CTSF: variants seen among roughly 807,000 people sequenced by gnomAD.
CTSF encodes the protein cathepsin F.
Under a neutral mutation model 63.5 loss-of-function variants are expected in CTSF, and 65 were observed. The ratio of observed to expected loss-of-function variants is 1.02; its 90% CI spans 0.84 to 1.26. CTSF has a LOEUF of 1.26. Among genes scored for constraint, CTSF ranks in the 50% most tolerant of loss-of-function variants. The pLI, the probability that CTSF is intolerant of heterozygous loss-of-function variation, is 0.00. For synonymous variants in CTSF, 256 were observed against 258.1 expected, an observed-to-expected ratio of 0.99 and a Z score of 0.08; for missense variants, 641 against 631.0, an observed-to-expected ratio of 1.02 and a Z score of -0.17.
In CTSF at chr11:66,565,659, A is replaced by T; in HGVS notation, c.1045+12T>A. 1 of 1,613,172 alleles carries T rather than the reference A, an allele frequency of 6.2e-7. No homozygotes were observed. The highest frequency in any genetic ancestry group is 8.5e-7 in the Non-Finnish European group (1 of 1,180,030). On this transcript the variant is annotated intron_variant, in intron 8 of 12. Transcript: ENST00000310325. ...GGCTCCGGTTGCCCCTCCTGACCCC[A>T]TTAATGCATACCCAAATTCTTTATG...
At chr11:66,564,197 G>C (rs1387897879) in intron 11 of CTSF, 51 bp from the exon 12 acceptor site, 2 of 1,572,916 alleles carry the variant, frequency 1.3e-6, no homozygotes, top group Admixed American at 3.7e-5. Flanking sequence ...TCTCCAGGCA[G>C]AGCCTTAATC....
In CTSF at chr11:66,567,522, C is replaced by T. The variant is rs1857959037; in HGVS notation, c.453G>A (p.Leu151=). ...FTQGSAMISS[L]SQNHPDNRNE... ...TTCTGTTGTCTGGATGGTTTTGGGA[C>T]AGAGAAGAAATCATGGCTGAGCCCT... Residue 151 remains leucine, a synonymous_variant, in exon 3 of 13, where the codon CTG becomes CTA. Coordinates refer to ENST00000310325, the MANE Select transcript of CTSF (RefSeq NM_003793.4). 2.5e-6 allele frequency: 4 copies of T among 1,614,088 alleles called. No homozygotes were observed. The East Asian group carries it at 8.9e-5, about 36-fold the overall frequency.
chr11:66,568,536 A>C lies in CTSF; in HGVS notation c.-50T>G. ...GACCCAACAGACGCTCCACCGACCC[A>C]CCGGGTACCGAGCCCGCGGCCAGCG... On this transcript the variant is annotated 5_prime_UTR_variant, in exon 1 of 13. Transcript: ENST00000310325. 6.8e-7 allele frequency: 1 copy of C among 1,469,244 alleles called. No individual in the cohort carries two copies. Among genetic ancestry groups the C allele is most frequent in the Non-Finnish European group, 8.9e-7 (1 of 1,117,958 alleles). The allele number at this position is 1,469,244 out of a possible 1,614,324, so 91.0% of individuals were successfully genotyped here. A position where few individuals can be genotyped will look rare whatever the true frequency, so the allele number is the denominator to read the frequency against.
rs1320841271 is a variant in CTSF at position 66,563,557 on chromosome 11, C to A, written c.*376G>T. The stretch of plus-strand genomic sequence containing the variant: ...GACACTATCCCTAAATCCAAGGGAA[C>A]CAGAAAATTTATAGTATCAAACAGA... On this transcript the variant is annotated 3_prime_UTR_variant, in exon 13 of 13. Transcript: ENST00000310325. 1 of 444,792 alleles carries A rather than the reference C, an allele frequency of 2.2e-6. No homozygotes were observed. The highest frequency in any genetic ancestry group is 4.0e-6 in the Non-Finnish European group (1 of 248,454). The allele number at this position is 444,792 out of a possible 1,614,324, so 27.6% of individuals were successfully genotyped here. A position where few individuals can be genotyped will look rare whatever the true frequency, so the allele number is the denominator to read the frequency against.
In CTSF at chr11:66,568,004, G is replaced by A; in HGVS notation, c.292C>T (p.Pro98Ser). Residue 98 changes from proline (P) to serine (S), a missense_variant, in exon 2 of 13, where the codon CCC becomes TCC. By Grantham distance (74) the Pro-to-Ser change is moderately conservative. Transcript: ENST00000310325. ...CTCACCAGGGTTTTCTTGGACACGG[G>A]GAGCCGGCACACCATGGGGTCGTTG... ...PCNDPMVCRLPVSKKTLLCSF... is the reference protein window; with the variant it reads ...PCNDPMVCRLSVSKKTLLCSF... The A allele has an allele frequency of 1.3e-6, 2 of 1,596,118 alleles. No homozygotes were observed. Among genetic ancestry groups the A allele is most frequent in the Admixed American group, 1.8e-5 (1 of 54,830 alleles).
chr11:66,566,152 G>A lies in CTSF; in HGVS notation c.737C>T (p.Thr246Ile). 6.2e-7 allele frequency: 1 copy of A among 1,614,172 alleles called. No homozygotes were observed. Among genetic ancestry groups the A allele is most frequent in the Non-Finnish European group, 8.5e-7 (1 of 1,180,034 alleles). ...CCTCAGGAGAGTATTCAGGTAGATA[G>A]TGCGGAACTCCTCCTCTGCGGGCAA... is the stretch of plus-strand genomic sequence containing the variant. ...FSDLTEEEFR[T>I]IYLNTLLRKE... Residue 246 changes from threonine to isoleucine, a missense_variant, in exon 6 of 13, where the codon ACT (threonine) becomes ATT (isoleucine). Physicochemically the swap from Thr to Ile is moderately conservative, Grantham distance 89. Transcript: ENST00000310325.
At chr11:66,565,121 AG>A in intron 8 of CTSF, 115 bp from the exon 9 acceptor site, 2 of 1,467,214 alleles carry the variant, frequency 1.4e-6, no homozygotes, top group Middle Eastern at 2.5e-4. Context: ...CCCAGGCCAC[AG>A]GCCATCCCCT....
intron 12 of CTSF, 34 bp from the exon 13 acceptor site, chr11:66,564,041 G>A (rs773176452): frequency 6.2e-7 from 1 of 1,613,906 alleles, no homozygotes; most frequent in Non-Finnish European, 8.5e-7. Flanking sequence ...AGGGCACCAG[G>A]GTAGGATGGC....
Position 66,565,907 on chromosome 11 carries a change from C to T in CTSF, c.888G>A (p.Trp296Ter), listed in dbSNP as rs746013208. The change falls in exon 7 of 13, where the codon TGG (tryptophan) becomes TGA (stop). Residue 296 changes from tryptophan (W) to a stop codon, truncating the protein, a stop_gained. Transcript: ENST00000310325. LOFTEE classifies it high-confidence loss of function. ...VKDQGMCGSC[W>*]AFSVTGNVEG... ...CCACATTGCCTGTGACTGAGAAGGCCCAGCAGGAGCCACACATGCCCTACA... is the reference window on the plus strand; with the variant it reads ...CCACATTGCCTGTGACTGAGAAGGCTCAGCAGGAGCCACACATGCCCTACA... 1.9e-6 allele frequency: 3 copies of T among 1,614,046 alleles called. No individual in the cohort carries two copies. In the South Asian group the frequency reaches 3.3e-5, roughly 18 times the overall value.
intron 11 of CTSF, 104 bp downstream of exon 11, chr11:66,564,454 G>T: frequency 1.8e-6 from 2 of 1,088,646 alleles, no homozygotes; most frequent in Non-Finnish European, 1.3e-6. Context: ...GTAAGGACAG[G>T]GTTCCTAGGC....
At position 66,563,583 on chromosome 11, in the gene CTSF, G is replaced by A; in HGVS notation, c.*350C>T. ...CAGAAAATTTATAGTATCAAACAGA[G>A]GAAAGCGGGGGCAGAACAGAGCTGG... is the stretch of plus-strand genomic sequence containing the variant. On this transcript the variant is annotated 3_prime_UTR_variant, in exon 13 of 13. Coordinates refer to ENST00000310325, the MANE Select transcript of CTSF (RefSeq NM_003793.4). The A allele has an allele frequency of 2.0e-6, 1 of 489,138 alleles. No homozygotes were observed. Among genetic ancestry groups the A allele is most frequent in the East Asian group, 3.3e-5 (1 of 30,572 alleles). 30.3% of individuals were successfully genotyped at this position (489,138 alleles called of 1,614,324 possible).
chr11:66,563,826 G>A lies in CTSF; in HGVS notation c.*107C>T. 1 of 1,395,336 alleles carries A rather than the reference G, an allele frequency of 7.2e-7. No homozygotes were observed. Among genetic ancestry groups the A allele is most frequent in the Non-Finnish European group, 9.9e-7 (1 of 1,013,556 alleles). 86.4% of individuals were successfully genotyped at this position (1,395,336 alleles called of 1,614,324 possible). On this transcript the variant is annotated 3_prime_UTR_variant, in exon 13 of 13. Transcript: ENST00000310325. Reference sequence around the variant, plus strand: ...CTCTGCTCACCCTGAGGTACCCAGTGCCTTTCCCTCTGCCAGCTGTACCTC... The same window carrying A: ...CTCTGCTCACCCTGAGGTACCCAGTACCTTTCCCTCTGCCAGCTGTACCTC...
Position 66,565,746 on chromosome 11 carries a change from A to G in CTSF, c.970T>C (p.Leu324=). 1.2e-6 allele frequency: 2 copies of G among 1,613,894 alleles called. No individual in the cohort carries two copies. Among genetic ancestry groups the G allele is most frequent in the Middle Eastern group, 3.3e-4 (2 of 6,048 alleles). ...GCCTTGTCCATCTTGTCACAGTCCA[A>G]GAGCTCTAGGAGACAGAAGGCTGGT... ...TLLSLSEQEL[L]DCDKMDKACM... Residue 324 remains leucine (L), a synonymous_variant, in exon 8 of 13, where the codon TTG becomes CTG. Coordinates refer to ENST00000310325, the MANE Select transcript of CTSF (RefSeq NM_003793.4).
intron 7 of CTSF, 31 bp downstream of exon 7, chr11:66,565,800 T>C (rs202242498): frequency 1.2e-6 from 2 of 1,613,920 alleles, no homozygotes; most frequent in African/African-American, 1.3e-5. Context: ...GGGGCTAGGC[T>C]GGGGACAGAG....
chr11:66,565,629 G>A (rs1402795715), intron 8 of CTSF, 42 bp downstream of exon 8: 6 of 1,610,612 alleles, frequency 3.7e-6, no homozygotes, highest in Non-Finnish European at 5.1e-6. Flanking sequence ...TGTACAGGGA[G>A]AAGTGGCTCC....
rs1175530292 is a variant in CTSF at position 66,566,179 on chromosome 11, G to T, written c.722-12C>A. 1.9e-6 allele frequency: 3 copies of T among 1,613,950 alleles called. No homozygotes were observed. The African/African-American group carries it at 4.0e-5, about 22-fold the overall frequency. On this transcript the variant is annotated splice_polypyrimidine_tract_variant and intron_variant, in intron 5 of 12. Transcript: ENST00000310325. ...GCGGAACTCCTCCTCTGCGGGCAAA[G>T]GTGGGCAGGGCATGGGGAGGAAGAG...
chr11:66,565,820 G>A lies in CTSF; in HGVS notation c.964+11C>T, dbSNP rs776587423. ...TAGGCTGGGGACAGAGGAGTAGAGC[G>A]AGATGCTCACCCTGTTCAGAGAGGG... On this transcript the variant is annotated intron_variant, in intron 7 of 12. Transcript: ENST00000310325. The A allele has an allele frequency of 1.9e-6, 3 of 1,613,932 alleles. No homozygotes were observed. Among genetic ancestry groups the A allele is most frequent in the Non-Finnish European group, 2.5e-6 (3 of 1,180,024 alleles).
In CTSF at chr11:66,566,418, A is replaced by G; in HGVS notation, c.608-14T>C. The G allele has an allele frequency of 6.2e-7, 1 of 1,612,974 alleles. No homozygotes were observed. On this transcript the variant is annotated splice_polypyrimidine_tract_variant and intron_variant, in intron 4 of 12. Coordinates refer to ENST00000310325, the MANE Select transcript of CTSF (RefSeq NM_003793.4). ...GCCACCGGGCTTCTGAGGACCAAGG[A>G]GCAGAAGAGGAGGGGTTCGACCCCA...
chr11:66,564,650 T>C lies in CTSF; in HGVS notation c.1231-2A>G, dbSNP rs1317374415. 9.9e-6 allele frequency: 16 copies of C among 1,611,532 alleles called. No individual in the cohort carries two copies. Among genetic ancestry groups the C allele is most frequent in the East Asian group, 8.9e-5 (4 of 44,810 alleles). ...GCGGGAGATCCCGTGGCGGTAAAAC[T>C]GGAGGTGGAGAAGGAGTAGGGGATC... On this transcript the variant is annotated splice_acceptor_variant, in intron 10 of 12. Coordinates refer to ENST00000310325, the MANE Select transcript of CTSF (RefSeq NM_003793.4). LOFTEE classifies it high-confidence loss of function.
Sources: allele counts gnomAD v4.1 joint callset, GRCh38; gene constraint gnomAD v4.1.1; transcripts MANE v1.5; gene names NCBI Gene and HGNC (gene_info 2026-07-23, HGNC 2026-07-21).